SLC25A41: variants seen among roughly 807,000 people sequenced by gnomAD.
SLC25A41 encodes the protein mitochondrial carrier protein SCaMC-3L.
SLC25A41 carries 35 observed loss-of-function variants against 34.7 expected under a neutral mutation model. The observed-to-expected ratio is 1.01, with a 90% CI of 0.77 to 1.34. The LOEUF is 1.34. Ranked by LOEUF, SLC25A41 falls within the 40% of genes most tolerant of loss-of-function variation. The pLI is 0.00. For missense variants in SLC25A41, 492 were observed against 489.8 expected (o/e 1.00, Z -0.04); for synonymous variants, 190 against 209.9 (o/e 0.91, Z 0.82).
chr19:6,434,100 C>T (rs754535668), upstream of SLC25A41, among the ~76,000 whole-genome samples: 5 of 152,144 alleles, frequency 3.3e-5, no homozygotes, highest in Non-Finnish European at 2.9e-5. Context: ...TCCGCCACCA[C>T]GCCCAGCTAA....
intron 1 of SLC25A41, among the ~76,000 whole-genome samples, chr19:6,432,790 C>G (rs1283118788): frequency 2.0e-5 from 3 of 151,616 alleles, no homozygotes; most frequent in South Asian, 4.2e-4. Flanking sequence ...CTTGCCTCAG[C>G]CTCCCCAGTA....
rs113132547 is a variant in SLC25A41, at chr19:6,427,714, A to C, written c.625-213T>G. Among the ~76,000 whole-genome samples, 45 of 152,346 alleles carry C rather than the reference A, an allele frequency of 3.0e-4. No individual in the cohort carries two copies. The highest frequency in any genetic ancestry group is 6.0e-4 in the African/African-American group (25 of 41,592). ...TGGCAAAGGCCAAGAGAGTGAGGGA[A>C]GAAGGCTCACGTCTGTCTTCCCAGC... On this transcript the variant is annotated intron_variant, in intron 4 of 6. Transcript: ENST00000321510. The surrounding 1 kb of genome is among the most constrained non-coding windows in gnomAD (Gnocchi z 4.9).
chr19:6,432,737 C>G (rs984048799), intron 1 of SLC25A41, among the ~76,000 whole-genome samples: 1 of 151,104 alleles, frequency 6.6e-6, no homozygotes, highest in South Asian at 2.1e-4. Flanking sequence ...ATGGTGTGAT[C>G]TCGGCTCACT....
At chr19:6,432,926 C>T (rs928887482) in intron 1 of SLC25A41, among the ~76,000 whole-genome samples, 17 of 152,062 alleles carry the variant, frequency 1.1e-4, no homozygotes, top group Non-Finnish European at 2.2e-4. Flanking sequence ...CCTCAGCCTC[C>T]CAAAGTGCTG....
At chr19:6,426,799 GTC>G (rs1013661835) in intron 6 of SLC25A41, among the ~76,000 whole-genome samples, 108 of 152,238 alleles carry the variant, frequency 7.1e-4, no homozygotes, top group Non-Finnish European at 1.3e-4. Flanking sequence ...TGGGGATAGG[GTC>G]TCTCTCTGTT....
chr19:6,433,378 A>C, intron 1 of SLC25A41, 109 bp downstream of exon 1: 1 of 1,140,326 alleles, frequency 8.8e-7, no homozygotes, highest in Non-Finnish European at 1.3e-6. Flanking sequence ...TCAAGGTGGA[A>C]TTCTAGGTCC....
intron 2 of SLC25A41, among the ~76,000 whole-genome samples, chr19:6,431,566 T>C (rs890580117): frequency 6.6e-6 from 1 of 151,812 alleles, no homozygotes; most frequent in Admixed American, 6.6e-5. Context: ...CAGCCTCCTA[T>C]GTAGCTGGGA....
At chr19:6,432,460 AC>A (rs913709321) in intron 1 of SLC25A41, among the ~76,000 whole-genome samples, 89 of 135,246 alleles carry the variant, frequency 6.6e-4, no homozygotes, top group South Asian at 1.4e-3. Context: ...ATAGGCATGC[AC>A]CACAACACCT....
Position 6,427,495 on chromosome 19 carries a change from TCAGCACCTGAGGATGGCGGGGAACAAGG to T in SLC25A41, c.625-22_630del. ...GTCCGACGCAAGGTCAACCGCGTCT[TCAGCACCTGAGGATGGCGGGGAACAAGG>T]CAGCTCATTTGATTGAATCCTGTCA... On this transcript the variant is annotated splice_acceptor_variant and splice_polypyrimidine_tract_variant and coding_sequence_variant and intron_variant, in exon 5 of 7. Coordinates refer to ENST00000321510, the MANE Select transcript of SLC25A41 (RefSeq NM_173637.4). LOFTEE classifies it high-confidence loss of function. This position sits in a 1 kb window ranked among gnomAD's most constrained non-coding sequence, Gnocchi z 4.9. 6.5e-7 allele frequency: 1 copy of T among 1,536,460 alleles called. No individual in the cohort carries two copies. Among genetic ancestry groups the T allele is most frequent in the Non-Finnish European group, 8.8e-7 (1 of 1,135,270 alleles).
chr19:6,433,418 G>A (rs1323544825), intron 1 of SLC25A41, 69 bp downstream of exon 1: 55 of 1,490,336 alleles, frequency 3.7e-5, no homozygotes, highest in African/African-American at 9.7e-5. Context: ...TGTAGAGGGC[G>A]TGGGTAGCCT....
intron 4 of SLC25A41, among the ~76,000 whole-genome samples, chr19:6,428,212 T>C (rs2092252969): frequency 6.6e-6 from 1 of 151,372 alleles, no homozygotes. Context: ...AGGTCAGGAG[T>C]TTGAGACCAT....
rs550730556 is a variant in SLC25A41 at position 6,426,427 on chromosome 19, C to T, written c.1075G>A (p.Val359Met). 3.1e-6 allele frequency: 5 copies of T among 1,613,870 alleles called. No individual in the cohort carries two copies. Among genetic ancestry groups the T allele is most frequent in the Middle Eastern group, 1.7e-4 (1 of 6,060 alleles). The change falls in exon 7 of 7, where the codon GTG becomes ATG. Residue 359 changes from valine to methionine, a missense_variant. Transcript: ENST00000321510. ...GTTTTCTTCATGGCTTCGTACACCA[C>T]ATAGCTGATGCCACCTGCTGGTAAG... ...KVLPAGGISY[V>M]VYEAMKKTLG... is the part of the protein sequence containing the mutation.
At chr19:6,429,163 T>A (rs1568349860) in intron 4 of SLC25A41, among the ~76,000 whole-genome samples, 1 of 11,182 alleles carries the variant, frequency 8.9e-5, no homozygotes, top group South Asian at 2.4e-3. Context: ...ATTATATATA[T>A]AATATATATA....
chr19:6,433,731 A>G lies in SLC25A41; in HGVS notation c.-38T>C, dbSNP rs749668994. ...GACACCTGGCTTCAAATCCCTAAGC[A>G]GTTGTTTGCTGCTCCAGCTACCATG... On this transcript the variant is annotated 5_prime_UTR_variant, in exon 1 of 7. Transcript: ENST00000321510. The G allele has an allele frequency of 2.0e-6, 3 of 1,470,186 alleles. No homozygotes were observed. The highest frequency in any genetic ancestry group is 1.8e-6 in the Non-Finnish European group (2 of 1,097,062). The allele number at this position is 1,470,186 out of a possible 1,614,324, so 91.1% of individuals were successfully genotyped here.
At position 6,427,077 on chromosome 19, in the gene SLC25A41, G is replaced by A. The variant is rs189986398; in HGVS notation, c.940+26C>T. On this transcript the variant is annotated intron_variant, in intron 6 of 6. Coordinates refer to ENST00000321510, the MANE Select transcript of SLC25A41 (RefSeq NM_173637.4). This position sits in a 1 kb window ranked among gnomAD's most constrained non-coding sequence, Gnocchi z 4.9. ...AGGGTGGGGCGGGGAAGGGGCATGC[G>A]TGGTGGCCGCTGGGGACAGGCTGAC... is the stretch of plus-strand genomic sequence containing the variant. 530 of 1,577,262 alleles carry A rather than the reference G, an allele frequency of 3.4e-4. 2 individuals are homozygous for A. In the African/African-American group the frequency reaches 6.1e-3, roughly 18 times the overall value.
chr19:6,429,197 A>C (rs1170020827), intron 4 of SLC25A41, among the ~76,000 whole-genome samples: 1 of 78,680 alleles, frequency 1.3e-5, no homozygotes, highest in African/African-American at 4.7e-5. Context: ...TTATATATAT[A>C]ATATATATGT....
Position 6,429,379 on chromosome 19 carries a change from A to AGGG in SLC25A41, c.624+344_624+345insCCC, listed in dbSNP as rs1568350055. On this transcript the variant is annotated intron_variant, in intron 4 of 6. Transcript: ENST00000321510. ...GGGAGAAAGGAGGAGGGAGAAAGGAAAGGAAGAGGGGAGGAGAAGGGAGAA... is the reference window on the plus strand; with the variant it reads ...GGGAGAAAGGAGGAGGGAGAAAGGAAGGGAGGAAGAGGGGAGGAGAAGGGAGAA... Among the ~76,000 whole-genome samples, 17 of 28,494 alleles carry AGGG rather than the reference A, an allele frequency of 6.0e-4. 7 individuals carry two copies. Among genetic ancestry groups the AGGG allele is most frequent in the African/African-American group, 7.9e-4 (5 of 6,340 alleles). 18.7% of individuals were successfully genotyped at this position (28,494 alleles called of 152,430 possible). A position where few individuals can be genotyped will look rare whatever the true frequency, so the allele number is the denominator to read the frequency against.
chr19:6,433,514 G>T lies in SLC25A41; in HGVS notation c.180C>A (p.Asn60Lys). 6.2e-7 allele frequency: 1 copy of T among 1,612,612 alleles called. No homozygotes were observed. Among genetic ancestry groups the T allele is most frequent in the South Asian group, 1.1e-5 (1 of 91,030 alleles). Reference sequence around the variant, plus strand: ...GCTGTGACGGGAGATGTTCAAGGTTGTTGTCATGCATGTGGCCAAACGCGT... The same window carrying T: ...GCTGTGACGGGAGATGTTCAAGGTTTTTGTCATGCATGTGGCCAAACGCGT... The part of the protein sequence containing the change: ...YGYAFGHMHD[N>K]NLEHLPSQQV... Residue 60 changes from asparagine (N) to lysine (K), a missense_variant, in exon 1 of 7, where the codon AAC becomes AAA. Coordinates refer to ENST00000321510, the MANE Select transcript of SLC25A41 (RefSeq NM_173637.4).
upstream of SLC25A41, among the ~76,000 whole-genome samples, chr19:6,434,328 CT>C (rs1288306260): frequency 6.6e-6 from 1 of 152,132 alleles, no homozygotes; most frequent in African/African-American, 2.4e-5. Context: ...GTTAGATGAA[CT>C]CATGAGGATG....
Sources: allele counts gnomAD v4.1 joint callset (sites outside exome capture counted in the v4.1 genomes callset), GRCh38; gene constraint gnomAD v4.1.1; non-coding constraint Gnocchi (gnomAD v3.1); transcripts MANE v1.5; gene names NCBI Gene and HGNC (gene_info 2026-07-23, HGNC 2026-07-21).